Variants in PPP1R9A observed in about 807,000 individuals in gnomAD.
PPP1R9A encodes the protein protein phosphatase 1 regulatory subunit 9A.
In PPP1R9A, 59 loss-of-function variants were observed where a neutral mutation model predicts 141.9. The ratio of observed to expected loss-of-function variants is 0.42; its 90% CI spans 0.34 to 0.52. PPP1R9A has a LOEUF of 0.52. Among genes scored for constraint, PPP1R9A ranks in the 20% least tolerant of loss-of-function variants. The pLI, the probability that PPP1R9A is intolerant of heterozygous loss-of-function variation, is 0.10. For missense variants in PPP1R9A, 1,444 were observed against 1,611.9 expected, an observed-to-expected ratio of 0.90 and a Z score of 1.78; for synonymous variants, 500 against 569.7, an observed-to-expected ratio of 0.88 and a Z score of 1.74.
chr7:94,969,523 G>A (rs1049037902), intron 2 of PPP1R9A, among the ~76,000 whole-genome samples: 14 of 152,196 alleles, frequency 9.2e-5, no homozygotes, highest in Middle Eastern at 3.4e-3. Flanking sequence ...TGGAAGCTTT[G>A]TCTCAGTGGG....
At chr7:95,280,203 C>T (rs1563553707) in intron 16 of PPP1R9A, among the ~76,000 whole-genome samples, 2 of 152,186 alleles carry the variant, frequency 1.3e-5, no homozygotes, top group Admixed American at 6.5e-5. Context: ...TATAGAATTA[C>T]TTCATTCGAT....
At chr7:95,213,324 T>C (rs1179205364) in intron 7 of PPP1R9A, among the ~76,000 whole-genome samples, 1 of 149,840 alleles carries the variant, frequency 6.7e-6, no homozygotes, top group Non-Finnish European at 1.5e-5. Flanking sequence ...CTCTTTCTTT[T>C]TTTTTTTTTT....
chr7:94,908,950 C>A (rs1053667162), intron 1 of PPP1R9A, among the ~76,000 whole-genome samples: 2 of 152,040 alleles, frequency 1.3e-5, no homozygotes, highest in Non-Finnish European at 2.9e-5. Context: ...GGTCTAATAT[C>A]AAAACAAAAC....
intron 2 of PPP1R9A, among the ~76,000 whole-genome samples, chr7:94,929,970 A>G (rs570267385): frequency 1.6e-4 from 25 of 152,342 alleles, no homozygotes; most frequent in African/African-American, 5.8e-4. Context: ...CTCTCCCCAC[A>G]AAGGATCTTG....
intron 4 of PPP1R9A, among the ~76,000 whole-genome samples, chr7:95,122,849 G>T (rs577937486): frequency 6.6e-6 from 1 of 151,980 alleles, no homozygotes; most frequent in Non-Finnish European, 1.5e-5. Flanking sequence ...TTCCAAGAGA[G>T]CTAAAACTTG....
At chr7:94,939,437 G>A (rs2150928888) in intron 2 of PPP1R9A, among the ~76,000 whole-genome samples, 1 of 152,136 alleles carries the variant, frequency 6.6e-6, no homozygotes, top group South Asian at 2.1e-4. Context: ...CTTCTTAGCA[G>A]AAGCATTCAG....
chr7:95,190,953 A>G (rs912578167), intron 5 of PPP1R9A, among the ~76,000 whole-genome samples: 10 of 152,190 alleles, frequency 6.6e-5, no homozygotes, highest in Non-Finnish European at 1.2e-4. Flanking sequence ...TTCAGCATTG[A>G]ATAAGTGCCA....
At chr7:94,920,803 A>G (rs1792699746) in intron 2 of PPP1R9A, among the ~76,000 whole-genome samples, 1 of 152,204 alleles carries the variant, frequency 6.6e-6, no homozygotes, top group Non-Finnish European at 1.5e-5. Context: ...AATCTTGCGG[A>G]TTAGGTCTTT....
At position 95,147,724 on chromosome 7, in the gene PPP1R9A, G is replaced by A. The variant is rs776110493; in HGVS notation, c.1650-14143G>A. Among the ~76,000 whole-genome samples, 33 of 152,052 alleles carry A rather than the reference G, an allele frequency of 2.2e-4. 1 individual carries two copies. The highest frequency in any genetic ancestry group is 1.0e-3 in the South Asian group (5 of 4,826). On this transcript the variant is annotated intron_variant, in intron 4 of 19. Coordinates refer to ENST00000433360, the MANE Select transcript of PPP1R9A (RefSeq NM_001166160.2). ...TCATGAAGAGGTGTTGAATTTTATCGAAGGCCTTTTCCACATCTATTGAGA... is the reference window on the plus strand; with the variant it reads ...TCATGAAGAGGTGTTGAATTTTATCAAAGGCCTTTTCCACATCTATTGAGA...
intron 12 of PPP1R9A, among the ~76,000 whole-genome samples, chr7:95,261,649 C>T (rs543610140): frequency 1.6e-3 from 246 of 152,200 alleles, no homozygotes; most frequent in Non-Finnish European, 3.0e-3. Context: ...TTGAAAGTCA[C>T]TGTTGAGGGA....
intron 2 of PPP1R9A, among the ~76,000 whole-genome samples, chr7:95,102,249 T>C (rs958774039): frequency 2.6e-5 from 4 of 152,210 alleles, no homozygotes; most frequent in African/African-American, 7.2e-5. Context: ...CCTGAAATGC[T>C]CTATAGGATT....
chr7:95,238,628 G>A (rs1415973200), intron 8 of PPP1R9A, among the ~76,000 whole-genome samples: 1 of 152,072 alleles, frequency 6.6e-6, no homozygotes, highest in Admixed American at 6.6e-5. Flanking sequence ...TGGCATCTCC[G>A]AAGTTGAATT....
At chr7:94,999,179 CTT>C (rs922405612) in intron 2 of PPP1R9A, among the ~76,000 whole-genome samples, 3 of 152,272 alleles carry the variant, frequency 2.0e-5, no homozygotes, top group African/African-American at 4.8e-5. Context: ...TGGATTGTGA[CTT>C]TGAATTGTTG....
At chr7:95,177,026 A>G (rs1296930380) in intron 5 of PPP1R9A, among the ~76,000 whole-genome samples, 1 of 152,160 alleles carries the variant, frequency 6.6e-6, no homozygotes, top group Admixed American at 6.6e-5. Context: ...AACACCTGGG[A>G]AATTCATTGC....
At chr7:95,022,559 T>G (rs1477457659) in intron 2 of PPP1R9A, among the ~76,000 whole-genome samples, 1 of 152,202 alleles carries the variant, frequency 6.6e-6, no homozygotes, top group East Asian at 1.9e-4. Flanking sequence ...CTTGTGCTGG[T>G]TTTCAAAGGG....
At chr7:95,213,448 G>A (rs1257599758) in intron 7 of PPP1R9A, among the ~76,000 whole-genome samples, 6 of 151,246 alleles carry the variant, frequency 4.0e-5, no homozygotes, top group Non-Finnish European at 8.8e-5. Flanking sequence ...AGCCTCCCAA[G>A]TAGCTGGGAT....
chr7:95,215,934 C>G (rs1250502406), intron 7 of PPP1R9A, among the ~76,000 whole-genome samples: 7 of 152,178 alleles, frequency 4.6e-5, no homozygotes, highest in Admixed American at 4.6e-4. Flanking sequence ...CCTGTTCACT[C>G]TGATGGTAGT....
intron 4 of PPP1R9A, among the ~76,000 whole-genome samples, chr7:95,142,828 A>G (rs1305584256): frequency 6.6e-6 from 1 of 152,138 alleles, no homozygotes. Context: ...TGGGTGATAC[A>G]TGTAAAGAGA....
At chr7:95,127,452 T>C (rs934120639) in intron 4 of PPP1R9A, among the ~76,000 whole-genome samples, 7 of 152,092 alleles carry the variant, frequency 4.6e-5, no homozygotes, top group African/African-American at 1.7e-4. Flanking sequence ...CGTTACTGTT[T>C]CTGTTGCATG....
Sources: gnomAD v4.1 joint callset for allele counts (sites outside exome capture counted in the v4.1 genomes callset) on GRCh38, gnomAD v4.1.1 for gene constraint, MANE v1.5 for transcripts, NCBI Gene and HGNC (gene_info 2026-07-23, HGNC 2026-07-21) for gene names.